Variants in PIK3R4 observed in about 807,000 individuals in gnomAD.
PIK3R4 encodes the protein phosphoinositide 3-kinase regulatory subunit 4.
Under a neutral mutation model 136.5 loss-of-function variants are expected in PIK3R4, and 46 were observed. The ratio of observed to expected loss-of-function variants is 0.34; its 90% CI spans 0.27 to 0.43. PIK3R4 has a LOEUF of 0.43. PIK3R4 is among the 20% of genes least tolerant of loss of function. PIK3R4 has a pLI of 1.00. For synonymous variants in PIK3R4, 557 were observed against 566.7 expected (o/e 0.98, Z 0.24); for missense variants, 1,331 against 1,649.5 (o/e 0.81, Z 3.35).
intron 9 of PIK3R4, among the ~76,000 whole-genome samples, chr3:130,709,964 C>A (rs1294359881): frequency 6.6e-6 from 1 of 152,028 alleles, no homozygotes; most frequent in Non-Finnish European, 1.5e-5. Context: ...CACAACTCTG[C>A]AAATGTATTA....
rs2066609823 is a variant in PIK3R4 at position 130,707,034 on chromosome 3, T to C, written c.2635A>G (p.Ser879Gly). The C allele has an allele frequency of 6.2e-7, 1 of 1,612,880 alleles. No individual in the cohort carries two copies. Among genetic ancestry groups the C allele is most frequent in the Admixed American group, 1.7e-5 (1 of 59,816 alleles). ...PNMPQALPKG[S>G]DQEVIQTGKP... ...CCAGTCTGAATCACCTCCTGATCAC[T>C]CCCTTTAGGTAGGGCCTGTGGCATG... The change falls in exon 11 of 20, where the codon AGT becomes GGT. Residue 879 changes from serine (S) to glycine (G), a missense_variant. This residue lies in a region of PIK3R4 where 1,180 missense variants were observed against 1,407.0 expected (regional missense o/e 0.84). Coordinates refer to ENST00000356763, the MANE Select transcript of PIK3R4 (RefSeq NM_014602.3).
chr3:130,702,344 G>A (rs1002716810), intron 13 of PIK3R4, among the ~76,000 whole-genome samples: 6 of 151,944 alleles, frequency 3.9e-5, no homozygotes, highest in Non-Finnish European at 7.4e-5. Context: ...ATTGCTCCAC[G>A]GACCTAGGAG....
rs555355404 is a variant in PIK3R4, at chr3:130,717,169, T to C, written c.2128-570A>G. Among the ~76,000 whole-genome samples, 13 of 152,198 alleles carry C rather than the reference T, an allele frequency of 8.5e-5. No homozygotes were observed. In the South Asian group the frequency reaches 2.3e-3, roughly 27 times the overall value. ...AGATTATCTTCTTTTTTTTCTTTTT[T>C]TTTTTCTGTGACTCTAGCAAAAGAA... On this transcript the variant is annotated intron_variant, in intron 8 of 19. Coordinates refer to ENST00000356763, the MANE Select transcript of PIK3R4 (RefSeq NM_014602.3).
chr3:130,714,627 C>A (rs984101275), intron 9 of PIK3R4, among the ~76,000 whole-genome samples: 13 of 151,410 alleles, frequency 8.6e-5, no homozygotes, highest in African/African-American at 3.2e-4. Flanking sequence ...TCAACAGGCA[C>A]TGGTTTGTGT....
Position 130,744,826 on chromosome 3 carries a change from C to A in PIK3R4, c.393G>T (p.Gln131His), listed in dbSNP as rs755162686. 1 of 1,614,218 alleles carries A rather than the reference C, an allele frequency of 6.2e-7. No homozygotes were observed. The highest frequency in any genetic ancestry group is 8.5e-7 in the Non-Finnish European group (1 of 1,180,036). Residue 131 changes from glutamine to histidine, a missense_variant, in exon 2 of 20, where the codon CAG (glutamine) becomes CAT (histidine). Physicochemically the swap from Gln to His is conservative, Grantham distance 24 (BLOSUM62 0). Coordinates refer to ENST00000356763, the MANE Select transcript of PIK3R4 (RefSeq NM_014602.3). Reference protein sequence around the residue: ...NNIEKRWIAFQILTAVDQAHK... With the variant: ...NNIEKRWIAFHILTAVDQAHK... Reference sequence around the variant, plus strand: ...GTGCTTGGTCCACAGCTGTCAGGATCTGGAAAGCAATCCAGCGCTTCTCAA... The same window carrying A: ...GTGCTTGGTCCACAGCTGTCAGGATATGGAAAGCAATCCAGCGCTTCTCAA...
chr3:130,684,110 T>C (rs1053368356), intron 16 of PIK3R4, 140 bp downstream of exon 16: 11 of 690,090 alleles, frequency 1.6e-5, no homozygotes, highest in Non-Finnish European at 2.2e-5. Flanking sequence ...GTATCAATAG[T>C]GGCAACCTCC....
intron 2 of PIK3R4, among the ~76,000 whole-genome samples, chr3:130,738,126 A>T (rs1474314619): frequency 6.6e-6 from 1 of 152,196 alleles, no homozygotes; most frequent in East Asian, 1.9e-4. Context: ...GTATAGTGTC[A>T]CATTTTAGAA....
intron 8 of PIK3R4, among the ~76,000 whole-genome samples, chr3:130,717,609 GAAGGTATAACCA>G (rs1048439727): frequency 2.0e-5 from 3 of 152,020 alleles, no homozygotes; most frequent in African/African-American, 7.3e-5. Context: ...ATGAAGAAAA[GAAGGTATAACCA>G]AAGCTTCCTA....
chr3:130,728,394 T>C, intron 6 of PIK3R4, 69 bp downstream of exon 6: 2 of 916,378 alleles, frequency 2.2e-6, no homozygotes, highest in Non-Finnish European at 3.3e-6. Context: ...CATCTATCCT[T>C]CAGATTGCAT....
chr3:130,719,028 A>T (rs1048202537), intron 7 of PIK3R4, among the ~76,000 whole-genome samples: 35 of 152,212 alleles, frequency 2.3e-4, no homozygotes, highest in Admixed American at 2.0e-3. Context: ...AATCTAGCCT[A>T]TCTGATATTC....
rs556163277 is a variant in PIK3R4, at chr3:130,718,164, G to A, written c.2127+225C>T. Among the ~76,000 whole-genome samples, 60 of 152,162 alleles carry A rather than the reference G, an allele frequency of 3.9e-4. 1 individual carries two copies. The highest frequency in any genetic ancestry group is 7.9e-4 in the Admixed American group (12 of 15,286). On this transcript the variant is annotated intron_variant, in intron 8 of 19. Coordinates refer to ENST00000356763, the MANE Select transcript of PIK3R4 (RefSeq NM_014602.3). ...AAAGAAAATATATGAACTACTGTAC[G>A]CTACATTAGATATAACATGATGTAA...
chr3:130,713,571 A>C (rs925099652), intron 9 of PIK3R4, among the ~76,000 whole-genome samples: 10 of 152,222 alleles, frequency 6.6e-5, no homozygotes, highest in Non-Finnish European at 1.5e-4. Flanking sequence ...TGGCAGTGTC[A>C]AAACCTATAC....
At chr3:130,692,807 A>ACACACACTTAGGCTTTCTCTCCCC (rs1410632781) in intron 13 of PIK3R4, among the ~76,000 whole-genome samples, 3 of 152,212 alleles carry the variant, frequency 2.0e-5, no homozygotes, top group Admixed American at 1.3e-4. Flanking sequence ...TTGGTCTCTC[A>ACACACACTTAGGCTTTCTCTCCCC]CACACACTTA....
At chr3:130,738,672 A>G (rs1201978888) in intron 2 of PIK3R4, among the ~76,000 whole-genome samples, 7 of 152,070 alleles carry the variant, frequency 4.6e-5, no homozygotes, top group African/African-American at 1.7e-4. Context: ...TCTTATATCA[A>G]AAAGTAAAGA....
chr3:130,709,593 C>T (rs963549947), intron 9 of PIK3R4, among the ~76,000 whole-genome samples: 12 of 152,216 alleles, frequency 7.9e-5, no homozygotes, highest in African/African-American at 2.4e-4. Flanking sequence ...TCCTAAAATT[C>T]GCTTTAAATA....
intron 13 of PIK3R4, among the ~76,000 whole-genome samples, chr3:130,696,418 G>A (rs1258315362): frequency 6.6e-6 from 1 of 151,580 alleles, no homozygotes; most frequent in East Asian, 1.9e-4. Flanking sequence ...TTCCCTTTTA[G>A]TACTCCTCTA....
At chr3:130,686,466 CAT>C (rs2066491646) in intron 14 of PIK3R4, 44 bp from the exon 15 acceptor site, 3 of 1,140,176 alleles carry the variant, frequency 2.6e-6, no homozygotes, top group African/African-American at 3.0e-5. Flanking sequence ...TCACTGAAAA[CAT>C]AGCACTAGTC....
At chr3:130,680,833 T>C in intron 18 of PIK3R4, 112 bp from the exon 19 acceptor site, 1 of 798,758 alleles carries the variant, frequency 1.3e-6, no homozygotes, top group Non-Finnish European at 2.0e-6. Flanking sequence ...GAAAAGAGGT[T>C]TTCATAGAAC....
At chr3:130,680,770 G>A (rs1197955917) in intron 18 of PIK3R4, 49 bp from the exon 19 acceptor site, 1 of 1,170,470 alleles carries the variant, frequency 8.5e-7, no homozygotes, top group East Asian at 2.4e-5. Flanking sequence ...ACAATGGGAG[G>A]AACTAATAAT....
Sources: gnomAD v4.1 joint callset for allele counts (sites outside exome capture counted in the v4.1 genomes callset) on GRCh38, gnomAD v4.1.1 for gene constraint, gnomAD v4.1.1 regional missense constraint, MANE v1.5 for transcripts, NCBI Gene and HGNC (gene_info 2026-07-23, HGNC 2026-07-21) for gene names.